The following RAB1B variants were observed in gnomAD, a reference collection of about 807,000 sequenced individuals.
RAB1B encodes ras-related protein Rab-1B.
RAB1B carries 10 observed loss-of-function variants against 24.8 expected under a neutral mutation model. The observed-to-expected ratio is 0.40, with a 90% CI of 0.25 to 0.68. The LOEUF is 0.68. Ranked by LOEUF, RAB1B falls within the 30% of genes least tolerant of loss-of-function variation. The pLI, the probability that RAB1B is intolerant of heterozygous loss-of-function variation, is 0.37. For synonymous variants in RAB1B, 99 were observed against 111.7 expected (o/e 0.89, Z 0.72); for missense variants, 154 against 271.2 (o/e 0.57, Z 3.04).
At chr11:66,269,361 A>G (rs1428099159) in intron 1 of RAB1B, among the ~76,000 whole-genome samples, 1 of 151,898 alleles carries the variant, frequency 6.6e-6, no homozygotes, top group Non-Finnish European at 1.5e-5. Context: ...CTTGGCTGTC[A>G]CACTGCCTGT....
chr11:66,276,698 G>T lies in RAB1B; in HGVS notation c.*460G>T. 6.4e-6 allele frequency: 1 copy of T among 156,836 alleles called. No homozygotes were observed. Among genetic ancestry groups the T allele is most frequent in the Non-Finnish European group, 1.4e-5 (1 of 71,196 alleles). The allele number at this position is 156,836 out of a possible 1,614,324, so 9.7% of individuals were successfully genotyped here. ...TGTGGCCAGGGGATCCAGGACCTGG[G>T]ATCCAGGGCCCTGGGCTGGACCTCA... On this transcript the variant is annotated 3_prime_UTR_variant, in exon 6 of 6. Coordinates refer to ENST00000311481, the MANE Select transcript of RAB1B (RefSeq NM_030981.3).
At chr11:66,275,757 G>T in intron 4 of RAB1B, 47 bp from the exon 5 acceptor site, 2 of 1,542,962 alleles carry the variant, frequency 1.3e-6, no homozygotes, top group South Asian at 1.2e-5. Context: ...CCTGGGGTAG[G>T]GGTGACAGTT....
At chr11:66,269,481 C>A (rs1857016192) in intron 1 of RAB1B, among the ~76,000 whole-genome samples, 1 of 152,240 alleles carries the variant, frequency 6.6e-6, no homozygotes, top group Non-Finnish European at 1.5e-5. Flanking sequence ...GCCCACATCT[C>A]ATGCCCAGGA....
At chr11:66,273,113 G>A (rs1565181705) in intron 4 of RAB1B, among the ~76,000 whole-genome samples, 4 of 152,228 alleles carry the variant, frequency 2.6e-5, no homozygotes, top group Non-Finnish European at 5.9e-5. Flanking sequence ...GTGACTTGCC[G>A]AGGGTCCTTC....
chr11:66,275,250 T>C (rs1657221214), intron 4 of RAB1B, among the ~76,000 whole-genome samples: 1 of 152,060 alleles, frequency 6.6e-6, no homozygotes, highest in African/African-American at 2.4e-5. Flanking sequence ...GCGCAAGTGC[T>C]GGGAGAGTCT....
chr11:66,268,819 C>A (rs1160569963), intron 1 of RAB1B, 126 bp downstream of exon 1: 1 of 768,750 alleles, frequency 1.3e-6, no homozygotes. Context: ...CCCTCTTCCG[C>A]TGACCCCCCC....
At chr11:66,270,677 GT>G (rs1857042438) in intron 1 of RAB1B, 1 of 152,294 alleles carries the variant, frequency 6.6e-6, no homozygotes, top group Non-Finnish European at 1.5e-5. Flanking sequence ...AGCCTCCCCA[GT>G]AGCTGGAACC....
rs1327563765 is a variant in RAB1B, at chr11:66,272,271, A to C, written c.183+19A>C. On this transcript the variant is annotated intron_variant, in intron 3 of 5. Coordinates refer to ENST00000311481, the MANE Select transcript of RAB1B (RefSeq NM_030981.3). ...TCAGATCGTGAGTGTCGCTCTTCCC[A>C]AAATCCCCAGTACAGAGGTATCCAC... 8 of 1,607,872 alleles carry C rather than the reference A, an allele frequency of 5.0e-6. No individual in the cohort carries two copies. The highest frequency in any genetic ancestry group is 6.8e-6 in the Non-Finnish European group (8 of 1,174,396).
At chr11:66,273,406 A>T (rs1303132853) in intron 4 of RAB1B, among the ~76,000 whole-genome samples, 3 of 152,120 alleles carry the variant, frequency 2.0e-5, no homozygotes, top group Non-Finnish European at 4.4e-5. Context: ...ATCTTATTTC[A>T]GCACATTGAC....
At position 66,276,103 on chromosome 11, in the gene RAB1B, T is replaced by C. The variant is rs375241856; in HGVS notation, c.471T>C (p.Asn157=). The C allele has an allele frequency of 1.6e-4, 254 of 1,613,814 alleles. No individual in the cohort carries two copies. Among genetic ancestry groups the C allele is most frequent in the Non-Finnish European group, 2.1e-4 (248 of 1,179,952 alleles). ...AGACGAGCGCCAAGAATGCCACCAA[T>C]GTCGAGCAGGCGTTCATGACCATGG... ...FLETSAKNAT[N]VEQAFMTMAA... is the part of the protein sequence containing the mutation. The change falls in exon 6 of 6, where the codon AAT becomes AAC. Residue 157 remains asparagine (N), a synonymous_variant. Coordinates refer to ENST00000311481, the MANE Select transcript of RAB1B (RefSeq NM_030981.3).
intron 1 of RAB1B, chr11:66,269,882 T>A (rs1369547407): frequency 1.3e-5 from 2 of 152,116 alleles, no homozygotes; most frequent in Non-Finnish European, 2.9e-5. Flanking sequence ...GCCTTTTTTT[T>A]TTTTTATTTT....
In RAB1B at chr11:66,275,934, A is replaced by C; in HGVS notation, c.410A>C (p.Lys137Thr). The change falls in exon 5 of 6, where the codon AAG (lysine) becomes ACG (threonine). Residue 137 changes from lysine to threonine, a missense_variant and splice_region_variant. This residue lies in a region of RAB1B where 77 missense variants were observed against 97.8 expected (regional missense o/e 0.79). Transcript: ENST00000311481. ...TKKVVDNTTA[K>T]EFADSLGIPF... ...AAGGTGGTGGACAACACCACAGCCA[A>C]GGTAGCAGACGGGCCGGTCTGCCCG... 1 of 1,611,732 alleles carries C rather than the reference A, an allele frequency of 6.2e-7. No individual in the cohort carries two copies. Among genetic ancestry groups the C allele is most frequent in the South Asian group, 1.1e-5 (1 of 90,496 alleles).
chr11:66,269,148 C>T (rs1412815137), intron 1 of RAB1B, among the ~76,000 whole-genome samples: 1 of 152,128 alleles, frequency 6.6e-6, no homozygotes, highest in Non-Finnish European at 1.5e-5. Flanking sequence ...AAGCCCGGCT[C>T]CTGGGGCCGG....
chr11:66,273,793 T>C (rs2134864572), intron 4 of RAB1B, among the ~76,000 whole-genome samples: 1 of 152,272 alleles, frequency 6.6e-6, no homozygotes, highest in South Asian at 2.1e-4. Context: ...ATGAGGAAAC[T>C]TGCTTGGAGA....
intron 4 of RAB1B, among the ~76,000 whole-genome samples, chr11:66,274,930 T>G (rs959136372): frequency 2.6e-5 from 4 of 151,848 alleles, no homozygotes; most frequent in African/African-American, 9.7e-5. Context: ...CCTGCAGGCT[T>G]AGGTCCACTG....
At chr11:66,272,700 A>T in intron 4 of RAB1B, 3 of 346,426 alleles carry the variant, frequency 8.7e-6, no homozygotes, top group Non-Finnish European at 1.6e-5. Flanking sequence ...TTCTGGCAGG[A>T]CAAGGCCTCA....
At chr11:66,274,148 C>T (rs1380395951) in intron 4 of RAB1B, among the ~76,000 whole-genome samples, 1 of 152,086 alleles carries the variant, frequency 6.6e-6, no homozygotes, top group African/African-American at 2.4e-5. Context: ...GCTGCATCCC[C>T]ATCTTTGTGA....
At position 66,271,881 on chromosome 11, in the gene RAB1B, G is replaced by A. The variant is rs367896185; in HGVS notation, c.87+12G>A. 1 of 1,610,852 alleles carries A rather than the reference G, an allele frequency of 6.2e-7. No homozygotes were observed. The highest frequency in any genetic ancestry group is 8.5e-7 in the Non-Finnish European group (1 of 1,177,108). ...TCCTGCGGTTTGCTGTGAGTAAGAAGCCTCCCATACCATCCACCTGGGGTC... is the reference window on the plus strand; with the variant it reads ...TCCTGCGGTTTGCTGTGAGTAAGAAACCTCCCATACCATCCACCTGGGGTC... On this transcript the variant is annotated intron_variant, in intron 2 of 5. Coordinates refer to ENST00000311481, the MANE Select transcript of RAB1B (RefSeq NM_030981.3).
intron 1 of RAB1B, among the ~76,000 whole-genome samples, chr11:66,269,353 T>G (rs1455684912): frequency 6.6e-6 from 1 of 152,166 alleles, no homozygotes; most frequent in Non-Finnish European, 1.5e-5. Flanking sequence ...CCCCTTCCCT[T>G]GGCTGTCACA....
Sources: allele counts gnomAD v4.1 joint callset (sites outside exome capture counted in the v4.1 genomes callset), GRCh38; gene constraint gnomAD v4.1.1; regional missense constraint gnomAD v4.1.1; transcripts MANE v1.5; gene names NCBI Gene and HGNC (gene_info 2026-07-23, HGNC 2026-07-21).